The following VSIG1 variants were observed in gnomAD, a reference collection of about 807,000 sequenced individuals.
VSIG1 encodes the protein V-set and immunoglobulin domain-containing protein 1.
A neutral mutation model predicts 20.1 loss-of-function variants in VSIG1; 11 were observed. That is an observed-to-expected ratio of 0.55 (90% CI 0.34 to 0.91). The LOEUF (loss-of-function observed/expected upper bound fraction) is 0.91, where lower values mean the gene tolerates loss of function less well. VSIG1 is among the 40% of genes least tolerant of loss of function. The probability of loss-of-function intolerance (pLI) is 0.02; values close to 1 mark genes in which losing one functional copy is unlikely to be tolerated. For synonymous variants in VSIG1, 126 were observed against 116.7 expected (o/e 1.08, Z -0.52); for missense variants, 283 against 298.8 (o/e 0.95, Z 0.39).
At position 108,077,574 on chromosome X, in the gene VSIG1, C is replaced by T. The variant is rs759252686; in HGVS notation, c.*193C>T. 6.8e-6 allele frequency: 3 copies of T among 439,466 alleles called. No homozygotes were observed. Among genetic ancestry groups the T allele is most frequent in the Non-Finnish European group, 1.1e-5 (3 of 265,339 alleles). 36.2% of individuals were successfully genotyped at this position (439,466 alleles called of 1,213,427 possible). A position where few individuals can be genotyped will look rare whatever the true frequency, so the allele number is the denominator to read the frequency against. On this transcript the variant is annotated 3_prime_UTR_variant, in exon 7 of 7. Coordinates refer to ENST00000217957, the MANE Select transcript of VSIG1 (RefSeq NM_182607.5). ...AAATCAGCAAGGGTTCCTGTATTAC[C>T]AATATAGAATACTAACAATTTTACT...
At chrX:108,028,936 G>T in the VSIG1 span, among the ~76,000 whole-genome samples, 1 of 111,410 alleles carries the variant, frequency 9.0e-6, no homozygotes, top group Non-Finnish European at 1.9e-5. Flanking sequence ...AATGAGCTTG[G>T]GTAGCCATTC....
At chrX:108,023,717 C>T in the VSIG1 span, among the ~76,000 whole-genome samples, 1 of 111,399 alleles carries the variant, frequency 9.0e-6, no homozygotes, top group Non-Finnish European at 1.9e-5. Flanking sequence ...TTACATTTCC[C>T]AAGAGAAGGG....
At chrX:108,052,127 G>T (rs775723007) in intron 1 of VSIG1, among the ~76,000 whole-genome samples, 1 of 111,526 alleles carries the variant, frequency 9.0e-6, no homozygotes, top group Non-Finnish European at 1.9e-5. Context: ...AAAAGCATAA[G>T]ATTTTAGTCT....
At chrX:108,076,930 C>G (rs770570427) in intron 6 of VSIG1, 118 bp from the exon 7 acceptor site, 2 of 726,270 alleles carry the variant, frequency 2.8e-6, no homozygotes, top group Non-Finnish European at 4.0e-6. Flanking sequence ...TCAGAAATAA[C>G]AGATTTCCTG....
At chrX:108,033,791 C>T in the VSIG1 span, among the ~76,000 whole-genome samples, 1 of 110,005 alleles carries the variant, frequency 9.1e-6, no homozygotes, top group Non-Finnish European at 1.9e-5. Context: ...CGAGCAGCTC[C>T]AGACCACAAA....
At chrX:108,032,702 C>A in the VSIG1 span, among the ~76,000 whole-genome samples, 1 of 111,129 alleles carries the variant, frequency 9.0e-6, no homozygotes, top group Non-Finnish European at 1.9e-5. Context: ...TGCAAAGGCC[C>A]TGAAGTGGGA....
chrX:108,073,814 G>A (rs2031300191), intron 5 of VSIG1: 1 of 112,656 alleles, frequency 8.9e-6, no homozygotes, highest in African/African-American at 3.3e-5. Context: ...TATTTGTGGA[G>A]CATGAATTAT....
At chrX:108,051,452 AT>A (rs1294648640) in intron 1 of VSIG1, among the ~76,000 whole-genome samples, 3 of 112,446 alleles carry the variant, frequency 2.7e-5, no homozygotes, top group Non-Finnish European at 5.6e-5. Flanking sequence ...AATACTGAAA[AT>A]TAAACTGCTG....
chrX:108,035,827 C>T, the VSIG1 span, among the ~76,000 whole-genome samples: 2 of 108,965 alleles, frequency 1.8e-5, no homozygotes, highest in Admixed American at 1.0e-4. Context: ...TGTCCCTTGC[C>T]CAGTGCCAGG....
At chrX:108,074,493 A>G (rs2031314901) in intron 5 of VSIG1, among the ~76,000 whole-genome samples, 1 of 111,146 alleles carries the variant, frequency 9.0e-6, no homozygotes, top group East Asian at 2.8e-4. Context: ...TCCTTCCTCA[A>G]ATATTTATTG....
chrX:108,045,750 A>G (rs949131710), intron 1 of VSIG1, among the ~76,000 whole-genome samples: 4 of 112,555 alleles, frequency 3.6e-5, no homozygotes, highest in Admixed American at 2.8e-4. Context: ...AACAGAAGAA[A>G]ATCAATTTTG....
At chrX:108,061,604 C>A in intron 2 of VSIG1, 1 of 900,804 alleles carries the variant, frequency 1.1e-6, no homozygotes, top group Non-Finnish European at 1.6e-6. Context: ...CTGGCACCAG[C>A]TTTAGGAATG....
chrX:108,035,463 G>C, the VSIG1 span, among the ~76,000 whole-genome samples: 1 of 110,107 alleles, frequency 9.1e-6, no homozygotes, highest in South Asian at 3.9e-4. Flanking sequence ...CTGCCTTTCT[G>C]CCATTCTTGG....
In VSIG1 at chrX:108,072,694, C is replaced by G; in HGVS notation, c.430C>G (p.Leu144Val). The change falls in exon 4 of 7, where the codon CTT (leucine) becomes GTT (valine). Residue 144 changes from leucine (L) to valine (V), a missense_variant. Leu to Val is a conservative substitution (Grantham distance 32). Transcript: ENST00000217957. ...CCTTACAGTGAAACCTTCTAAGCCC[C>G]TTTGTAGCGTTCAAGGAAGACCAGA... ...VSVLVKPSKP[L>V]CSVQGRPETG... The G allele has an allele frequency of 8.3e-7, 1 of 1,211,383 alleles. No homozygotes were observed. Among genetic ancestry groups the G allele is most frequent in the East Asian group, 3.0e-5 (1 of 33,848 alleles).
At chrX:108,026,275 A>C in the VSIG1 span, among the ~76,000 whole-genome samples, 1 of 111,651 alleles carries the variant, frequency 9.0e-6, no homozygotes, top group African/African-American at 3.3e-5. Flanking sequence ...GTTTCATGGA[A>C]GCAATCTGCA....
the VSIG1 span, among the ~76,000 whole-genome samples, chrX:108,035,713 A>G: frequency 1.8e-5 from 2 of 110,923 alleles, no homozygotes; most frequent in East Asian, 5.7e-4. Flanking sequence ...ATTCATAATC[A>G]TAATACTTCT....
At chrX:108,025,592 T>C in the VSIG1 span, among the ~76,000 whole-genome samples, 3 of 112,841 alleles carry the variant, frequency 2.7e-5, no homozygotes, top group Non-Finnish European at 5.6e-5. Flanking sequence ...AGGATTTAGA[T>C]AGATATTTCA....
At chrX:108,057,002 G>A (rs12393465) in intron 1 of VSIG1, among the ~76,000 whole-genome samples, 5,824 of 111,881 alleles carry the variant, frequency 0.052, 134 homozygotes, top group East Asian at 0.097. Context: ...GTCCTTAAAT[G>A]GATGAATGGT....
At chrX:108,034,321 C>T in the VSIG1 span, among the ~76,000 whole-genome samples, 1 of 111,849 alleles carries the variant, frequency 8.9e-6, no homozygotes, top group Non-Finnish European at 1.9e-5. Context: ...TATGAGCTCT[C>T]TTTGAAAATA....
Sources: allele counts gnomAD v4.1 joint callset (sites outside exome capture counted in the v4.1 genomes callset), GRCh38; gene constraint gnomAD v4.1.1; transcripts MANE v1.5; gene names NCBI Gene and HGNC (gene_info 2026-07-23, HGNC 2026-07-21).